The following CPED1 variants were observed in gnomAD, a reference collection of about 807,000 sequenced individuals.
CPED1 encodes the protein cadherin-like and PC-esterase domain-containing protein 1.
CPED1 carries 114 observed loss-of-function variants against 128.2 expected under a neutral mutation model. The ratio of observed to expected loss-of-function variants is 0.89; its 90% CI spans 0.76 to 1.04. The LOEUF (loss-of-function observed/expected upper bound fraction) is 1.04. Among genes scored for constraint, CPED1 ranks in the 50% least tolerant of loss-of-function variants. The pLI is 0.00. For synonymous variants in CPED1, 462 were observed against 426.7 expected, an observed-to-expected ratio of 1.08 and a Z score of -1.02; for missense variants, 1,211 against 1,207.1, an observed-to-expected ratio of 1.00 and a Z score of -0.05.
At chr7:121,034,802 A>G (rs1035111389) in intron 3 of CPED1, among the ~76,000 whole-genome samples, 4 of 152,176 alleles carry the variant, frequency 2.6e-5, no homozygotes, top group African/African-American at 4.8e-5. Flanking sequence ...CATCTCCACC[A>G]AGCTTTCAAG....
chr7:121,251,066 A>G (rs1430713325), intron 18 of CPED1, among the ~76,000 whole-genome samples: 3 of 152,262 alleles, frequency 2.0e-5, no homozygotes, highest in African/African-American at 7.2e-5. Flanking sequence ...AAAATCCTCA[A>G]TAAAATACTG....
rs201210587 is a variant in CPED1, at chr7:121,138,931, G to A, written c.1700-1896G>A. On this transcript the variant is annotated intron_variant, in intron 14 of 22. Transcript: ENST00000310396. ...ATCCTGTTTTTATTGTGCTTATCTC[G>A]GGGTCTTTAACGGAGAAATTTCTGG... Among the ~76,000 whole-genome samples the A allele has an allele frequency of 4.0e-5, 6 of 151,766 alleles. No individual in the cohort carries two copies. In the East Asian group the frequency reaches 1.2e-3, roughly 29 times the overall value.
At chr7:121,246,967 C>T (rs1798555120) in intron 18 of CPED1, among the ~76,000 whole-genome samples, 1 of 152,188 alleles carries the variant, frequency 6.6e-6, no homozygotes, top group African/African-American at 2.4e-5. Context: ...GCCAATAGGT[C>T]TACATAGACT....
At chr7:121,116,878 A>C (rs1028675003) in intron 7 of CPED1, among the ~76,000 whole-genome samples, 11 of 151,566 alleles carry the variant, frequency 7.3e-5, no homozygotes, top group Non-Finnish European at 1.6e-4. Context: ...TAAAATGCAC[A>C]GTGTCTGCCA....
rs371287806 is a variant in CPED1, at chr7:121,271,378, T to C, written c.2816T>C (p.Met939Thr). ...YEVVDTFTIT[M>T]GRYKEFLQGK... ...GTAGTTGACACATTCACTATAACAA[T>C]GGGGCGTTACAAAGAGTTTCTACAG... is the stretch of plus-strand genomic sequence containing the variant. Residue 939 changes from methionine (M) to threonine (T), a missense_variant, in exon 22 of 23, where the codon ATG becomes ACG. Met to Thr is a moderately conservative substitution (Grantham distance 81, BLOSUM62 -1). Transcript: ENST00000310396. 4 of 1,612,918 alleles carry C rather than the reference T, an allele frequency of 2.5e-6. No individual in the cohort carries two copies. The highest frequency in any genetic ancestry group is 2.7e-5 in the African/African-American group (2 of 74,956).
chr7:121,130,542 A>G (rs1450854970), intron 12 of CPED1, among the ~76,000 whole-genome samples: 1 of 152,122 alleles, frequency 6.6e-6, no homozygotes, highest in Admixed American at 6.6e-5. Context: ...TATAATGTTT[A>G]GAATTGAAAG....
At chr7:121,068,265 T>C (rs997185494) in intron 5 of CPED1, among the ~76,000 whole-genome samples, 3 of 152,254 alleles carry the variant, frequency 2.0e-5, no homozygotes, top group African/African-American at 4.8e-5. Flanking sequence ...ATTTAAGTCT[T>C]TAATCCATCT....
chr7:121,079,932 A>G (rs996999939), intron 5 of CPED1, among the ~76,000 whole-genome samples: 1 of 152,200 alleles, frequency 6.6e-6, no homozygotes, highest in African/African-American at 2.4e-5. Context: ...GGATTCTGAC[A>G]ATTAATTCTG....
chr7:121,151,520 G>A (rs1216871229), intron 16 of CPED1, among the ~76,000 whole-genome samples: 1 of 152,166 alleles, frequency 6.6e-6, no homozygotes, highest in African/African-American at 2.4e-5. Context: ...GGAATTGTGT[G>A]CTTTTTTCAA....
At chr7:121,286,068 T>C (rs1227252276) in intron 22 of CPED1, among the ~76,000 whole-genome samples, 1 of 152,090 alleles carries the variant, frequency 6.6e-6, no homozygotes, top group African/African-American at 2.4e-5. Context: ...ACAATCATAG[T>C]GGAAAAGAAG....
intron 22 of CPED1, among the ~76,000 whole-genome samples, chr7:121,281,479 C>T (rs934803191): frequency 2.0e-5 from 3 of 152,148 alleles, no homozygotes; most frequent in Non-Finnish European, 4.4e-5. Context: ...TCTAAAATGT[C>T]TCTGTACCCA....
intron 18 of CPED1, among the ~76,000 whole-genome samples, chr7:121,255,731 G>A (rs1791822806): frequency 1.3e-5 from 2 of 152,014 alleles, no homozygotes; most frequent in Admixed American, 6.6e-5. Context: ...CAAAATCAAT[G>A]TACAAAACTC....
intron 16 of CPED1, among the ~76,000 whole-genome samples, chr7:121,215,142 T>C (rs1797732920): frequency 6.6e-6 from 1 of 152,034 alleles, no homozygotes; most frequent in African/African-American, 2.4e-5. Flanking sequence ...CATACATTTA[T>C]GGTTATGACA....
chr7:121,175,746 T>G (rs575163987), intron 16 of CPED1, among the ~76,000 whole-genome samples: 3 of 152,118 alleles, frequency 2.0e-5, no homozygotes, highest in African/African-American at 7.2e-5. Flanking sequence ...AAATAAACTT[T>G]GAATTAACAG....
At chr7:121,117,924 CAAA>C (rs34781215) in intron 7 of CPED1, among the ~76,000 whole-genome samples, 2 of 145,590 alleles carry the variant, frequency 1.4e-5, no homozygotes, top group Admixed American at 6.8e-5. Context: ...AAACATTTGC[CAAA>C]AAAAAAAAAA....
chr7:121,262,122 G>C (rs1188467637), intron 18 of CPED1, among the ~76,000 whole-genome samples: 1 of 151,886 alleles, frequency 6.6e-6, no homozygotes, highest in Non-Finnish European at 1.5e-5. Context: ...ATTTAAAAGA[G>C]CCTGGCATGT....
At chr7:121,100,517 A>C (rs1794823380) in intron 7 of CPED1, among the ~76,000 whole-genome samples, 1 of 152,186 alleles carries the variant, frequency 6.6e-6, no homozygotes, top group Admixed American at 6.6e-5. Flanking sequence ...TCAATATGGA[A>C]TATTTGCTGA....
chr7:121,029,608 C>T (rs562827389), intron 3 of CPED1, among the ~76,000 whole-genome samples: 1 of 152,204 alleles, frequency 6.6e-6, no homozygotes, highest in East Asian at 1.9e-4. Flanking sequence ...TGTGTTTGCT[C>T]AAATATTTCT....
intron 3 of CPED1, among the ~76,000 whole-genome samples, chr7:121,025,301 C>T (rs1243156912): frequency 1.3e-5 from 2 of 151,996 alleles, no homozygotes; most frequent in Admixed American, 6.6e-5. Context: ...GACTTTCACC[C>T]CCACCTATCT....
Sources: gnomAD v4.1 joint callset for allele counts (sites outside exome capture counted in the v4.1 genomes callset) on GRCh38, gnomAD v4.1.1 for gene constraint, MANE v1.5 for transcripts, NCBI Gene and HGNC (gene_info 2026-07-23, HGNC 2026-07-21) for gene names.